The following FAM118B variants were observed in gnomAD, a reference collection of about 807,000 sequenced individuals.
FAM118B encodes SIR2 antiphage like 1.
A neutral mutation model predicts 38.5 loss-of-function variants in FAM118B; 24 were observed. That is an observed-to-expected ratio of 0.62 (90% CI 0.45 to 0.88). The LOEUF is 0.88. FAM118B is among the 40% of genes least tolerant of loss of function. The probability of loss-of-function intolerance (pLI) is 0.00; values close to 1 mark genes in which losing one functional copy is unlikely to be tolerated. For synonymous variants in FAM118B, 138 were observed against 156.3 expected, an observed-to-expected ratio of 0.88 and a Z score of 0.87; for missense variants, 334 against 420.0, an observed-to-expected ratio of 0.80 and a Z score of 1.79.
intron 7 of FAM118B, chr11:126,260,704 GGGTAATATCAA>G (rs1950672244): frequency 6.6e-6 from 1 of 152,142 alleles, no homozygotes; most frequent in African/African-American, 2.4e-5. Context: ...TTTTCTACGA[GGGTAATATCAA>G]TTTGTATATT....
In FAM118B at chr11:126,256,761, GATTAAAGTC is replaced by G; in HGVS notation, c.894_902del (p.Lys299_Ile301del). The G allele has an allele frequency of 1.9e-6, 3 of 1,614,124 alleles. No individual in the cohort carries two copies. The highest frequency in any genetic ancestry group is 2.5e-6 in the Non-Finnish European group (3 of 1,180,010). ...TTCGAGAAAACATGCTGGACAAGGG[GATTAAAGTC>G]ATCTCCTATGGAGATGACTATGCCG... On this transcript the variant is annotated inframe_deletion, in exon 7 of 9. Coordinates refer to ENST00000533050, the MANE Select transcript of FAM118B (RefSeq NM_024556.4). This position sits in a 1 kb window ranked among gnomAD's most constrained non-coding sequence, Gnocchi z 6.6.
At chr11:126,237,856 CAAA>C (rs1279296349) in intron 3 of FAM118B, among the ~76,000 whole-genome samples, 1 of 60,024 alleles carries the variant, frequency 1.7e-5, no homozygotes. Flanking sequence ...ACTCCGTCTC[CAAA>C]AAAAAAAAAA....
chr11:126,259,095 A>C (rs950619616), intron 7 of FAM118B, among the ~76,000 whole-genome samples: 8 of 152,228 alleles, frequency 5.3e-5, no homozygotes, highest in African/African-American at 1.9e-4. Flanking sequence ...TGAGTTTGTC[A>C]TGTGAAATGT....
intron 1 of FAM118B, among the ~76,000 whole-genome samples, chr11:126,215,473 C>T (rs897003950): frequency 2.0e-5 from 3 of 150,052 alleles, no homozygotes; most frequent in South Asian, 2.1e-4. Flanking sequence ...CCGAGGTGGG[C>T]GGATCACGAG....
intron 7 of FAM118B, among the ~76,000 whole-genome samples, chr11:126,259,465 C>T (rs1187489854): frequency 3.5e-5 from 5 of 141,348 alleles, no homozygotes; most frequent in East Asian, 4.7e-4. Flanking sequence ...CTCGCTCTGA[C>T]GCCAGGCTGG....
At chr11:126,224,891 A>G (rs1464831628) in intron 1 of FAM118B, among the ~76,000 whole-genome samples, 1 of 152,238 alleles carries the variant, frequency 6.6e-6, no homozygotes, top group East Asian at 1.9e-4. Flanking sequence ...GAGATCTCCC[A>G]TCCCATGAAT....
At position 126,261,155 on chromosome 11, in the gene FAM118B, G is replaced by GAAATGTGAAATGTA. The variant is rs1565342974; in HGVS notation, c.983-264_983-263insGAAATGTAAAATGT. 3.3e-5 allele frequency: 12 copies of GAAATGTGAAATGTA among 364,994 alleles called. No individual in the cohort carries two copies. The East Asian group carries it at 5.1e-4, about 15-fold the overall frequency. 22.6% of individuals were successfully genotyped at this position (364,994 alleles called of 1,614,324 possible). Reference sequence around the variant, plus strand: ...CAGCAGACACATGTTGCCTGTATGTGAAATGTAAAATGTAAAATGTAAAAT... The same window carrying GAAATGTGAAATGTA: ...CAGCAGACACATGTTGCCTGTATGTGAAATGTGAAATGTAAAATGTAAAATGTAAAATGTAAAAT... On this transcript the variant is annotated intron_variant, in intron 7 of 8. Transcript: ENST00000533050.
chr11:126,254,431 ATGGTG>A lies in FAM118B; in HGVS notation c.695_696+3del. 6.2e-7 allele frequency: 1 copy of A among 1,614,172 alleles called. No homozygotes were observed. Among genetic ancestry groups the A allele is most frequent in the Non-Finnish European group, 8.5e-7 (1 of 1,179,994 alleles). On this transcript the variant is annotated splice_donor_variant and splice_donor_region_variant and coding_sequence_variant and intron_variant, in exon 6 of 9. Coordinates refer to ENST00000533050, the MANE Select transcript of FAM118B (RefSeq NM_024556.4). LOFTEE classifies it high-confidence loss of function. ...GAACGTGCTCAGGAACACTGAAGTC[ATGGTG>A]AGTGGGGCTGATCTTGCTGGTCTCA... is the stretch of plus-strand genomic sequence containing the variant.
chr11:126,256,389 C>A lies in FAM118B; in HGVS notation c.697-178C>A, dbSNP rs929412409. ...TGGCAGGTAAAGATAAAATTTTAGA[C>A]CAATCATCAAGTTACAGCAATAAGC... On this transcript the variant is annotated intron_variant, in intron 6 of 8. Coordinates refer to ENST00000533050, the MANE Select transcript of FAM118B (RefSeq NM_024556.4). The surrounding 1 kb of genome is among the most constrained non-coding windows in gnomAD (Gnocchi z 6.6). 3.3e-5 allele frequency among the ~76,000 whole-genome samples: 5 copies of A among 152,164 alleles called. No individual in the cohort carries two copies. Among genetic ancestry groups the A allele is most frequent in the African/African-American group, 1.2e-4 (5 of 41,440 alleles).
At chr11:126,233,191 C>T (rs774639831) in intron 2 of FAM118B, among the ~76,000 whole-genome samples, 62 of 152,108 alleles carry the variant, frequency 4.1e-4, no homozygotes, top group Non-Finnish European at 7.5e-4. Context: ...TAACAAACAT[C>T]CCAGCTGGGT....
intron 4 of FAM118B, among the ~76,000 whole-genome samples, chr11:126,248,583 G>A (rs1033932145): frequency 4.0e-5 from 6 of 151,780 alleles, no homozygotes; most frequent in African/African-American, 1.5e-4. Flanking sequence ...TGTTGGCCAG[G>A]ATGGTCTCGA....
chr11:126,247,845 G>A (rs1225513682), intron 4 of FAM118B, among the ~76,000 whole-genome samples: 7 of 135,034 alleles, frequency 5.2e-5, no homozygotes, highest in South Asian at 2.5e-4. Context: ...GTGACAGATC[G>A]AGACTCCATC....
At chr11:126,216,241 T>A (rs1250640644) in intron 1 of FAM118B, among the ~76,000 whole-genome samples, 1 of 151,808 alleles carries the variant, frequency 6.6e-6, no homozygotes, top group Non-Finnish European at 1.5e-5. Flanking sequence ...CTGAGCATGG[T>A]GGTGTGTGCC....
At chr11:126,227,061 T>C (rs886224446) in intron 1 of FAM118B, among the ~76,000 whole-genome samples, 18 of 139,358 alleles carry the variant, frequency 1.3e-4, no homozygotes, top group East Asian at 4.1e-4. Context: ...CAAGCTTCTT[T>C]TTTTTTTTTT....
intron 1 of FAM118B, among the ~76,000 whole-genome samples, chr11:126,227,826 G>T (rs576736688): frequency 6.6e-5 from 10 of 152,048 alleles, no homozygotes; most frequent in Non-Finnish European, 1.5e-4. Context: ...TTTGAGATGG[G>T]TTCTCACTCT....
chr11:126,251,840 G>A (rs947744278), intron 5 of FAM118B, among the ~76,000 whole-genome samples: 4 of 149,682 alleles, frequency 2.7e-5, no homozygotes, highest in Middle Eastern at 3.4e-3. Context: ...GTGCCACAAC[G>A]CCCGGCTAAT....
Position 126,241,036 on chromosome 11 carries a change from C to T in FAM118B, c.331C>T (p.Leu111Phe). The T allele has an allele frequency of 6.3e-7, 1 of 1,595,780 alleles. No homozygotes were observed. Among genetic ancestry groups the T allele is most frequent in the Non-Finnish European group, 8.5e-7 (1 of 1,169,998 alleles). ...VHVAHDLIQKLSPRTSNVRST... is the reference protein window; with the variant it reads ...VHVAHDLIQKFSPRTSNVRST... ...TGTTGCCCATGACCTTATCCAGAAACTCTCTCCTGTGAGTACCCTAGTATG... is the reference window on the plus strand; with the variant it reads ...TGTTGCCCATGACCTTATCCAGAAATTCTCTCCTGTGAGTACCCTAGTATG... Residue 111 changes from leucine (L) to phenylalanine (F), a missense_variant, in exon 4 of 9, where the codon CTC becomes TTC. By Grantham distance (22) the Leu-to-Phe change is conservative. This residue lies in a region of FAM118B where 240 missense variants were observed against 295.9 expected (regional missense o/e 0.81). Transcript: ENST00000533050.
At chr11:126,251,458 C>T (rs1950502385) in intron 5 of FAM118B, among the ~76,000 whole-genome samples, 1 of 152,160 alleles carries the variant, frequency 6.6e-6, no homozygotes, top group Admixed American at 6.5e-5. Flanking sequence ...GCTGAAATAC[C>T]ACTCTTGTGG....
chr11:126,245,626 C>T (rs180725576), intron 4 of FAM118B, among the ~76,000 whole-genome samples: 8 of 151,416 alleles, frequency 5.3e-5, no homozygotes, highest in Middle Eastern at 3.4e-3. Flanking sequence ...CCCAGGAGTT[C>T]GAGGCTGCAA....
Sources: gnomAD v4.1 joint callset for allele counts (sites outside exome capture counted in the v4.1 genomes callset) on GRCh38, gnomAD v4.1.1 for gene constraint, gnomAD v4.1.1 regional missense constraint, Gnocchi (gnomAD v3.1) non-coding constraint, MANE v1.5 for transcripts, NCBI Gene and HGNC (gene_info 2026-07-23, HGNC 2026-07-21) for gene names.